The following CDH11 variants were observed in gnomAD, a reference collection of about 807,000 sequenced individuals.
CDH11 encodes cadherin 11, also known as cadherin-11.
CDH11 carries 11 observed loss-of-function variants against 67.8 expected under a neutral mutation model. The ratio of observed to expected loss-of-function variants is 0.16; its 90% confidence interval spans 0.10 to 0.27. The LOEUF (loss-of-function observed/expected upper bound fraction) is 0.27, where lower values mean the gene tolerates loss of function less well. CDH11 is among the 10% of genes least tolerant of loss of function. CDH11 has a pLI of 1.00. For synonymous variants in CDH11, 419 were observed against 400.0 expected, an observed-to-expected ratio of 1.05 and a Z score of -0.57; for missense variants, 847 against 1,031.2, an observed-to-expected ratio of 0.82 and a Z score of 2.45.
In CDH11 at chr16:64,946,110, AT is replaced by A; in HGVS notation, c.*1492del. 2.8e-6 allele frequency: 3 copies of A among 1,057,324 alleles called. No homozygotes were observed. The highest frequency in any genetic ancestry group is 3.4e-6 in the Non-Finnish European group (3 of 874,234). 65.5% of individuals were successfully genotyped at this position (1,057,324 alleles called of 1,614,324 possible). The stretch of plus-strand genomic sequence containing the variant: ...AGAATCCAAAATGGTCCCTGCCCTC[AT>A]TCTGAGCTTACGGCCCCAAGCATAT... On this transcript the variant is annotated 3_prime_UTR_variant, in exon 13 of 13. Transcript: ENST00000268603.
chr16:65,117,085 A>T (rs2075257145), intron 1 of CDH11, among the ~76,000 whole-genome samples: 1 of 152,238 alleles, frequency 6.6e-6, no homozygotes, highest in Admixed American at 6.5e-5. Flanking sequence ...GCCCCTTTTA[A>T]AGTTAAATAA....
Position 65,096,417 on chromosome 16 carries a change from G to A in CDH11, c.-298+25463C>T, listed in dbSNP as rs545653492. ...CATAAATCTTTCGGGGTGTGTGTGT[G>A]TGTGTGTGTGTGTGTGTGTGTGTGT... On this transcript the variant is annotated intron_variant, in intron 1 of 12. Coordinates refer to ENST00000268603, the MANE Select transcript of CDH11 (RefSeq NM_001797.4). Among the ~76,000 whole-genome samples, 1,181 of 143,658 alleles carry A rather than the reference G, an allele frequency of 8.2e-3. 16 individuals are homozygous for A. Among genetic ancestry groups the A allele is most frequent in the African/African-American group, 0.03 (1,101 of 36,670 alleles). 94.2% of individuals were successfully genotyped at this position (143,658 alleles called of 152,430 possible). A position where few individuals can be genotyped will look rare whatever the true frequency, so the allele number is the denominator to read the frequency against.
At chr16:64,964,571 C>A (rs541313142) in intron 11 of CDH11, among the ~76,000 whole-genome samples, 1 of 151,626 alleles carries the variant, frequency 6.6e-6, no homozygotes, top group Non-Finnish European at 1.5e-5. Flanking sequence ...TATTTTGAGA[C>A]GGAGTCTTGC....
chr16:64,975,770 A>G (rs566189443), intron 8 of CDH11, among the ~76,000 whole-genome samples: 2 of 152,288 alleles, frequency 1.3e-5, no homozygotes, highest in Non-Finnish European at 2.9e-5. Flanking sequence ...CCCTGTAATG[A>G]GACAGGATCA....
chr16:65,069,091 C>G (rs1362274648), intron 1 of CDH11, among the ~76,000 whole-genome samples: 2 of 152,140 alleles, frequency 1.3e-5, no homozygotes, highest in Admixed American at 1.3e-4. Context: ...ATATTGCCAA[C>G]AAGAAACACT....
At chr16:64,960,070 G>T (rs1009009634) in intron 11 of CDH11, among the ~76,000 whole-genome samples, 4 of 152,120 alleles carry the variant, frequency 2.6e-5, no homozygotes, top group Non-Finnish European at 5.9e-5. Context: ...GCACAACTTG[G>T]ATATTACATT....
intron 1 of CDH11, among the ~76,000 whole-genome samples, chr16:65,100,333 A>C (rs1263756776): frequency 1.3e-5 from 2 of 152,170 alleles, no homozygotes; most frequent in Non-Finnish European, 2.9e-5. Flanking sequence ...GGAGAAGAAG[A>C]CTGGAAGAAA....
At chr16:64,951,511 C>T (rs1475816941) in intron 11 of CDH11, among the ~76,000 whole-genome samples, 2 of 151,832 alleles carry the variant, frequency 1.3e-5, no homozygotes, top group Admixed American at 6.6e-5. Flanking sequence ...GAAAATGGTG[C>T]GGCAGGCTTG....
At chr16:64,974,567 A>G (rs2072109890) in intron 8 of CDH11, among the ~76,000 whole-genome samples, 1 of 152,174 alleles carries the variant, frequency 6.6e-6, no homozygotes, top group Non-Finnish European at 1.5e-5. Context: ...TTCACAGTAT[A>G]CAAACATGAG....
At chr16:65,080,773 T>A (rs1470342907) in intron 1 of CDH11, among the ~76,000 whole-genome samples, 1 of 152,212 alleles carries the variant, frequency 6.6e-6, no homozygotes, top group Non-Finnish European at 1.5e-5. Flanking sequence ...TTAGTCATCA[T>A]TTTGCTCATG....
chr16:65,116,761 GA>G (rs1321148530), intron 1 of CDH11, among the ~76,000 whole-genome samples: 188 of 151,890 alleles, frequency 1.2e-3, no homozygotes, highest in Non-Finnish European at 1.3e-3. Flanking sequence ...AGGATAGAGA[GA>G]GAGAGAGAGA....
rs1156235898 is a variant in CDH11 at position 65,004,901 on chromosome 16, A to G, written c.-32T>C. ...TTACGTGGTAGGCACAGGAGAATGC[A>G]GCTGTCACCCCTTCCACCAACTGTA... On this transcript the variant is annotated 5_prime_UTR_variant, in exon 3 of 13. Transcript: ENST00000268603. 5 of 1,478,002 alleles carry G rather than the reference A, an allele frequency of 3.4e-6. No individual in the cohort carries two copies. In the Admixed American group the frequency reaches 1.2e-4, roughly 35 times the overall value. 91.6% of individuals were successfully genotyped at this position (1,478,002 alleles called of 1,614,324 possible).
chr16:64,992,294 A>G (rs1388880689), intron 5 of CDH11, among the ~76,000 whole-genome samples: 1 of 152,212 alleles, frequency 6.6e-6, no homozygotes, highest in South Asian at 2.1e-4. Flanking sequence ...CTGTAAGTCT[A>G]TTGCTACATA....
At chr16:65,004,519 G>A (rs2073002086) in intron 3 of CDH11, 123 bp downstream of exon 3, 3 of 946,966 alleles carry the variant, frequency 3.2e-6, no homozygotes, top group Non-Finnish European at 3.1e-6. Flanking sequence ...TGGTTTTACT[G>A]GCTCTTCAAG....
At chr16:64,960,636 A>G (rs1567490962) in intron 11 of CDH11, among the ~76,000 whole-genome samples, 1 of 152,128 alleles carries the variant, frequency 6.6e-6, no homozygotes, top group Non-Finnish European at 1.5e-5. Context: ...TTCCCTGCAC[A>G]TGGACATGTG....
intron 7 of CDH11, among the ~76,000 whole-genome samples, chr16:64,983,463 T>C (rs76651083): frequency 0.022 from 3,294 of 152,308 alleles, 131 homozygotes; most frequent in African/African-American, 0.075. Context: ...AAGGCGAGCA[T>C]CTGCCTGCCA....
At chr16:65,105,368 CA>C (rs1344389288) in intron 1 of CDH11, among the ~76,000 whole-genome samples, 1 of 152,132 alleles carries the variant, frequency 6.6e-6, no homozygotes, top group African/African-American at 2.4e-5. Context: ...GTGAGTTTCC[CA>C]GGGGGAGCAC....
chr16:64,961,806 A>G (rs1205987028), intron 11 of CDH11, among the ~76,000 whole-genome samples: 1 of 152,144 alleles, frequency 6.6e-6, no homozygotes, highest in Non-Finnish European at 1.5e-5. Context: ...ACAAAACTAT[A>G]TTATCTTCTT....
intron 8 of CDH11, among the ~76,000 whole-genome samples, chr16:64,979,415 C>G (rs1254729856): frequency 1.3e-5 from 2 of 152,026 alleles, no homozygotes; most frequent in Non-Finnish European, 2.9e-5. Flanking sequence ...CCACTGCACT[C>G]CAGCCTGGGC....
Sources: allele counts gnomAD v4.1 joint callset (sites outside exome capture counted in the v4.1 genomes callset), GRCh38; gene constraint gnomAD v4.1.1; transcripts MANE v1.5; gene names NCBI Gene and HGNC (gene_info 2026-07-23, HGNC 2026-07-21).